Variants in SLC9A7 observed in about 807,000 individuals in gnomAD.
The protein encoded by SLC9A7 is sodium/hydrogen exchanger 7.
SLC9A7 carries 19 observed loss-of-function variants against 52.6 expected under a neutral mutation model. That is an observed-to-expected ratio of 0.36 (90% CI 0.25 to 0.53). SLC9A7 has a LOEUF of 0.53. Ranked by LOEUF, SLC9A7 falls within the 20% of genes least tolerant of loss-of-function variation. The pLI is 0.91. For synonymous variants in SLC9A7, 226 were observed against 252.1 expected, an observed-to-expected ratio of 0.90 and a Z score of 0.98; for missense variants, 455 against 597.9, an observed-to-expected ratio of 0.76 and a Z score of 2.49.
At chrX:46,672,164 T>G (rs918434839) in intron 4 of SLC9A7, among the ~76,000 whole-genome samples, 7 of 111,939 alleles carry the variant, frequency 6.3e-5, no homozygotes, top group Non-Finnish European at 1.3e-4. Flanking sequence ...TTGGCTCTTG[T>G]GTCCCTTTGA....
intron 1 of SLC9A7, among the ~76,000 whole-genome samples, chrX:46,757,817 G>A (rs1471272995): frequency 3.6e-5 from 4 of 111,035 alleles, no homozygotes; most frequent in African/African-American, 1.3e-4. Context: ...ATGTAATAAA[G>A]GGAGATTTGT....
chrX:46,652,186 T>C (rs1180557410), intron 8 of SLC9A7, among the ~76,000 whole-genome samples: 1 of 112,079 alleles, frequency 8.9e-6, no homozygotes, highest in East Asian at 2.8e-4. Context: ...TTATATATTA[T>C]ATATCCCTCA....
intron 1 of SLC9A7, among the ~76,000 whole-genome samples, chrX:46,751,816 A>C (rs1234934742): frequency 9.0e-6 from 1 of 111,314 alleles, no homozygotes; most frequent in East Asian, 2.8e-4. Flanking sequence ...TCTCAAAAAA[A>C]AAGAAGAAAG....
At chrX:46,647,801 A>C (rs915567715) in intron 11 of SLC9A7, among the ~76,000 whole-genome samples, 5 of 113,008 alleles carry the variant, frequency 4.4e-5, no homozygotes, top group African/African-American at 1.6e-4. Context: ...TTTACTGAGC[A>C]GTGCCTGTTG....
At chrX:46,753,938 A>T (rs1320969082) in intron 1 of SLC9A7, among the ~76,000 whole-genome samples, 2 of 109,981 alleles carry the variant, frequency 1.8e-5, no homozygotes, top group African/African-American at 3.3e-5. Context: ...GTGAGCAGAG[A>T]TCGCACCACT....
Position 46,607,046 on chromosome X carries a change from G to A in SLC9A7, c.2087C>T (p.Ser696Leu), listed in dbSNP as rs757319226. 17 of 1,209,402 alleles carry A rather than the reference G, an allele frequency of 1.4e-5. No homozygotes were observed. The highest frequency in any genetic ancestry group is 1.2e-4 in the South Asian group (7 of 56,764). Residue 696 changes from serine to leucine, a missense_variant, in exon 17 of 17, where the codon TCG becomes TTG. Ser to Leu is a moderately radical substitution (Grantham distance 145). Coordinates refer to ENST00000616978, the MANE Select transcript of SLC9A7 (RefSeq NM_001257291.2). ...LEGSRRTKSS[S>L]EEVLERDLGM... ...CAGGTCTCGCTCCAGCACTTCCTCC[G>A]AGCTGCTCTTCGTTCTCCGGCTGCC...
intron 1 of SLC9A7, among the ~76,000 whole-genome samples, chrX:46,713,750 C>T (rs1031873485): frequency 1.5e-4 from 17 of 110,251 alleles, no homozygotes; most frequent in Admixed American, 1.1e-3. Context: ...CCCTGTGGTT[C>T]GGTACTTTCA....
intron 1 of SLC9A7, among the ~76,000 whole-genome samples, chrX:46,734,449 C>T (rs1346295180): frequency 8.9e-6 from 1 of 112,246 alleles, no homozygotes; most frequent in Non-Finnish European, 1.9e-5. Flanking sequence ...CATCTAAAAA[C>T]AGAATACCAA....
chrX:46,671,459 C>A (rs1460692763), intron 4 of SLC9A7, among the ~76,000 whole-genome samples: 4 of 107,626 alleles, frequency 3.7e-5, no homozygotes, highest in Non-Finnish European at 7.7e-5. Context: ...TTAGTAGAGA[C>A]GGGGTTTCAC....
At chrX:46,670,610 G>A (rs1944003761) in intron 4 of SLC9A7, among the ~76,000 whole-genome samples, 1 of 111,539 alleles carries the variant, frequency 9.0e-6, no homozygotes. Flanking sequence ...TACAGCCAAT[G>A]CTCTAATAAT....
At chrX:46,665,091 G>A (rs766109080) in intron 5 of SLC9A7, among the ~76,000 whole-genome samples, 5 of 110,859 alleles carry the variant, frequency 4.5e-5, no homozygotes, top group African/African-American at 1.3e-4. Flanking sequence ...ACTGGAAGAC[G>A]ATGGGATGGG....
At chrX:46,717,742 T>C (rs12387598) in intron 1 of SLC9A7, among the ~76,000 whole-genome samples, 2,177 of 111,297 alleles carry the variant, frequency 0.02, 49 homozygotes, top group African/African-American at 0.067. Flanking sequence ...TTTCAAGGGC[T>C]GTGAAAGACC....
intron 1 of SLC9A7, chrX:46,725,200 G>T (rs1944923258): frequency 6.4e-6 from 6 of 934,079 alleles, no homozygotes; most frequent in Non-Finnish European, 9.3e-6. Flanking sequence ...TCATCCACCA[G>T]AACTCCATCC....
At chrX:46,662,254 G>T (rs1943836468) in intron 6 of SLC9A7, 97 bp from the exon 7 acceptor site, 1 of 826,954 alleles carries the variant, frequency 1.2e-6, no homozygotes, top group Non-Finnish European at 1.7e-6. Context: ...TCTACATTTT[G>T]TCAAGCATTG....
intron 7 of SLC9A7, 107 bp from the exon 8 acceptor site, chrX:46,653,821 C>A: frequency 1.8e-5 from 9 of 489,217 alleles, no homozygotes; most frequent in Admixed American, 3.9e-5. Flanking sequence ...CCTTTCCCTT[C>A]AACCTTTTTT....
At chrX:46,740,425 A>T (rs1006484803) in intron 1 of SLC9A7, among the ~76,000 whole-genome samples, 1 of 111,577 alleles carries the variant, frequency 9.0e-6, no homozygotes. Context: ...AAAAAAGTCA[A>T]ATTATCCCTC....
intron 12 of SLC9A7, among the ~76,000 whole-genome samples, chrX:46,641,922 A>T (rs1309183928): frequency 8.9e-6 from 1 of 112,131 alleles, no homozygotes; most frequent in Non-Finnish European, 1.9e-5. Flanking sequence ...TATGTATGGT[A>T]TCTGGAACAA....
chrX:46,727,290 C>A (rs755003436), intron 1 of SLC9A7, among the ~76,000 whole-genome samples: 2 of 112,193 alleles, frequency 1.8e-5, no homozygotes, highest in Admixed American at 1.9e-4. Flanking sequence ...AGTGTCAACT[C>A]GGGGGCAGAA....
chrX:46,700,183 T>C (rs1944509995), intron 1 of SLC9A7, among the ~76,000 whole-genome samples: 1 of 111,869 alleles, frequency 8.9e-6, no homozygotes, highest in South Asian at 3.7e-4. Flanking sequence ...TCCAAGGCCC[T>C]TTGGAATTAT....
Sources: gnomAD v4.1 joint callset for allele counts (sites outside exome capture counted in the v4.1 genomes callset) on GRCh38, gnomAD v4.1.1 for gene constraint, MANE v1.5 for transcripts, NCBI Gene and HGNC (gene_info 2026-07-23, HGNC 2026-07-21) for gene names.